NBPF15: variants seen among roughly 807,000 people sequenced by gnomAD.
NBPF15 encodes NBPF member 15, also known as NBPF family member NBPF15.
Under a neutral mutation model 62.2 loss-of-function variants are expected in NBPF15, and 74 were observed. The ratio of observed to expected loss-of-function variants is 1.19; its 90% CI spans 0.99 to 1.44. NBPF15 has a LOEUF of 1.44. NBPF15 is among the 40% of genes most tolerant of loss of function. The pLI is 0.00. For synonymous variants in NBPF15, 244 were observed against 209.7 expected, an observed-to-expected ratio of 1.16 and a Z score of -1.41; for missense variants, 790 against 550.0, an observed-to-expected ratio of 1.44 and a Z score of -4.36.
chr1:144,459,111 C>T (rs1252747379), intron 3 of NBPF15, among the ~76,000 whole-genome samples: 1 of 151,770 alleles, frequency 6.6e-6, no homozygotes, highest in Non-Finnish European at 1.5e-5. Flanking sequence ...TGTTCATACT[C>T]CTAGGTTCGG....
chr1:144,429,336 T>C (rs1160695860), intron 14 of NBPF15, among the ~76,000 whole-genome samples: 1 of 150,516 alleles, frequency 6.6e-6, no homozygotes. Context: ...ACAAAACTCA[T>C]AAGGAATTTT....
At position 144,427,807 on chromosome 1, in the gene NBPF15, A is replaced by G; in HGVS notation, c.1213+11T>C. ...AGTGGATCCTTATCACCTTCATAGA[A>G]AGGTACTCACCATCCATGTCAATAG... is the stretch of plus-strand genomic sequence containing the variant. On this transcript the variant is annotated intron_variant, in intron 16 of 21. Transcript: ENST00000581897. 1.4e-6 allele frequency: 1 copy of G among 695,934 alleles called. No individual in the cohort carries two copies. The highest frequency in any genetic ancestry group is 2.6e-6 in the Non-Finnish European group (1 of 380,478). 43.1% of individuals were successfully genotyped at this position (695,934 alleles called of 1,614,324 possible).
Position 144,455,191 on chromosome 1 carries a change from G to T in NBPF15, c.-432+1346C>A, listed in dbSNP as rs587752190. Reference sequence around the variant, plus strand: ...AGGGAGAGAGGAAGGGAGGAAGAAAGGAAGGGAGGGAAGGCAGAAGGGAAG... The same window carrying T: ...AGGGAGAGAGGAAGGGAGGAAGAAATGAAGGGAGGGAAGGCAGAAGGGAAG... On this transcript the variant is annotated intron_variant, in intron 4 of 21. Coordinates refer to ENST00000581897, the MANE Select transcript of NBPF15 (RefSeq NM_001385408.1). Among the ~76,000 whole-genome samples, 32 of 146,682 alleles carry T rather than the reference G, an allele frequency of 2.2e-4. 1 individual carries two copies. Among genetic ancestry groups the T allele is most frequent in the African/African-American group, 7.1e-4 (28 of 39,590 alleles).
intron 4 of NBPF15, among the ~76,000 whole-genome samples, chr1:144,455,125 AAGGGAGGGAGGAAGAAAAGG>A (rs1242143419): frequency 7.3e-6 from 1 of 137,476 alleles, no homozygotes; most frequent in African/African-American, 2.7e-5. Context: ...GGGAGGGAGG[AAGGGAGGGAGGAAGAAAAGG>A]AGGGAGGGAG....
chr1:144,434,525 A>T (rs1182432647), intron 12 of NBPF15, among the ~76,000 whole-genome samples: 20 of 131,648 alleles, frequency 1.5e-4, no homozygotes, highest in Non-Finnish European at 2.8e-4. Context: ...AAAAAAATCC[A>T]CGATGCTACA....
intron 6 of NBPF15, among the ~76,000 whole-genome samples, chr1:144,441,308 T>C (rs1344039197): frequency 0.092 from 13,953 of 151,178 alleles, 1,764 homozygotes; most frequent in African/African-American, 0.28. Flanking sequence ...TAGGCCATTT[T>C]CAGTTGCTCT....
intron 14 of NBPF15, among the ~76,000 whole-genome samples, chr1:144,429,456 C>T (rs1410083257): frequency 2.0e-5 from 3 of 151,028 alleles, no homozygotes; most frequent in African/African-American, 4.9e-5. Context: ...AGTTCAATGT[C>T]GTGACAGTCA....
At position 144,453,243 on chromosome 1, in the gene NBPF15, G is replaced by T. The variant is rs369228580; in HGVS notation, c.-431-2373C>A. 5.1e-4 allele frequency among the ~76,000 whole-genome samples: 77 copies of T among 151,038 alleles called. 2 individuals are homozygous for T. The South Asian group carries it at 0.016, about 31-fold the overall frequency. The stretch of plus-strand genomic sequence containing the variant: ...GAGACAATTTAAAACAGCAAAGATA[G>T]CCTTTCCAACTAGTGGTGCTAGAAC... On this transcript the variant is annotated intron_variant, in intron 4 of 21. Transcript: ENST00000581897.
chr1:144,445,771 T>C (rs1687058493), intron 6 of NBPF15, among the ~76,000 whole-genome samples: 1 of 151,130 alleles, frequency 6.6e-6, no homozygotes, highest in Non-Finnish European at 1.5e-5. Flanking sequence ...ATCTCCCCAC[T>C]AATTTAGTTC....
At position 144,445,710 on chromosome 1, in the gene NBPF15, G is replaced by A. The variant is rs1426037725; in HGVS notation, c.-191+3065C>T. ...GCATTGGATCTGGAGATCAATTTAC[G>A]AAGAACTGACTTTTTAAACATAACA... On this transcript the variant is annotated intron_variant, in intron 6 of 21. Coordinates refer to ENST00000581897, the MANE Select transcript of NBPF15 (RefSeq NM_001385408.1). Among the ~76,000 whole-genome samples the A allele has an allele frequency of 7.3e-5, 11 of 151,412 alleles. 1 individual carries two copies. The highest frequency in any genetic ancestry group is 2.1e-4 in the South Asian group (1 of 4,802).
intron 4 of NBPF15, among the ~76,000 whole-genome samples, chr1:144,456,014 A>C (rs200752894): frequency 1.9e-3 from 287 of 151,396 alleles, no homozygotes; most frequent in Admixed American, 3.0e-3. Flanking sequence ...CTCTTTTAAC[A>C]CATTATACTG....
chr1:144,426,869 T>C (rs1166461753), intron 17 of NBPF15, among the ~76,000 whole-genome samples, 178 bp downstream of exon 17: 12 of 147,476 alleles, frequency 8.1e-5, no homozygotes, highest in African/African-American at 3.0e-4. Flanking sequence ...TAGTAAATGA[T>C]AAGGGGAGGA....
Position 144,422,728 on chromosome 1 carries a change from A to G in NBPF15, c.*285T>C, listed in dbSNP as rs1156985494. ...TGCCTGCAAAATGAAATCCCTGAGG[A>G]ATTTTGTAGCTACCCAGAGATACGT... On this transcript the variant is annotated 3_prime_UTR_variant, in exon 22 of 22. Coordinates refer to ENST00000581897, the MANE Select transcript of NBPF15 (RefSeq NM_001385408.1). 1.6e-6 allele frequency: 1 copy of G among 620,020 alleles called. No homozygotes were observed. Among genetic ancestry groups the G allele is most frequent in the African/African-American group, 1.9e-5 (1 of 52,716 alleles). The allele number at this position is 620,020 out of a possible 1,614,324, so 38.4% of individuals were successfully genotyped here. A position where few individuals can be genotyped will look rare whatever the true frequency, so the allele number is the denominator to read the frequency against.
Position 144,435,151 on chromosome 1 carries a change from G to C in NBPF15, c.732C>G (p.Ser244=), listed in dbSNP as rs1553540816. Residue 244 remains serine (S), a synonymous_variant, in exon 12 of 22, where the codon TCC becomes TCG. Coordinates refer to ENST00000581897, the MANE Select transcript of NBPF15 (RefSeq NM_001385408.1). ...DKVDSTLIGS[S]SHVEWEDAVH... is the part of the protein sequence containing the mutation. Reference sequence around the variant, plus strand: ...CAGCATCCTCCCATTCAACATGAGAGGATGAGCCAATGAGAGTTGAGTCGA... The same window carrying C: ...CAGCATCCTCCCATTCAACATGAGACGATGAGCCAATGAGAGTTGAGTCGA... 2 of 1,612,958 alleles carry C rather than the reference G, an allele frequency of 1.2e-6. No individual in the cohort carries two copies. Among genetic ancestry groups the C allele is most frequent in the African/African-American group, 2.7e-5 (2 of 74,952 alleles).
chr1:144,423,645 G>C (rs1667393090), intron 21 of NBPF15, among the ~76,000 whole-genome samples: 1 of 152,062 alleles, frequency 6.6e-6, no homozygotes, highest in Non-Finnish European at 1.5e-5. Context: ...GTGGCCATCA[G>C]AGTACAGCTT....
intron 10 of NBPF15, among the ~76,000 whole-genome samples, 155 bp downstream of exon 10, chr1:144,436,740 C>T (rs1417870014): frequency 6.6e-6 from 1 of 152,032 alleles, no homozygotes; most frequent in African/African-American, 2.4e-5. Context: ...GGTTTCCCAT[C>T]TCCGTTCTTA....
chr1:144,445,507 C>T lies in NBPF15; in HGVS notation c.-191+3268G>A, dbSNP rs868962152. On this transcript the variant is annotated intron_variant, in intron 6 of 21. Coordinates refer to ENST00000581897, the MANE Select transcript of NBPF15 (RefSeq NM_001385408.1). ...TTCCATTTTTTTTTTCAACAAAACACATAATCTTGATTTTCATAGCTGTAG... is the reference window on the plus strand; with the variant it reads ...TTCCATTTTTTTTTTCAACAAAACATATAATCTTGATTTTCATAGCTGTAG... Among the ~76,000 whole-genome samples the T allele has an allele frequency of 6.1e-3, 901 of 147,962 alleles. 17 individuals carry two copies. Among genetic ancestry groups the T allele is most frequent in the African/African-American group, 0.021 (837 of 40,372 alleles).
chr1:144,441,913 G>T (rs1192101759), intron 6 of NBPF15, among the ~76,000 whole-genome samples: 1 of 148,550 alleles, frequency 6.7e-6, no homozygotes, highest in Non-Finnish European at 1.5e-5. Context: ...AAAACATTTA[G>T]AAGCGGCGGT....
At chr1:144,451,766 C>A (rs1691323784) in intron 4 of NBPF15, among the ~76,000 whole-genome samples, 1 of 151,448 alleles carries the variant, frequency 6.6e-6, no homozygotes, top group South Asian at 2.1e-4. Flanking sequence ...CGTCTCAAGG[C>A]AAAAGAATTT....
Sources: gnomAD v4.1 joint callset for allele counts (sites outside exome capture counted in the v4.1 genomes callset) on GRCh38, gnomAD v4.1.1 for gene constraint, MANE v1.5 for transcripts, NCBI Gene and HGNC (gene_info 2026-07-23, HGNC 2026-07-21) for gene names.